Variants in GRIN2A observed in about 807,000 individuals in gnomAD.
GRIN2A encodes glutamate ionotropic receptor NMDA type subunit 2A.
GRIN2A carries 22 observed loss-of-function variants against 113.4 expected under a neutral mutation model. The observed-to-expected ratio is 0.19, with a 90% CI of 0.14 to 0.28. The LOEUF (loss-of-function observed/expected upper bound fraction) is 0.28. GRIN2A is among the 10% of genes least tolerant of loss of function. The pLI is 1.00. For missense variants in GRIN2A, 1,502 were observed against 1,887.0 expected (o/e 0.80, Z 3.78); for synonymous variants, 827 against 738.4 (o/e 1.12, Z -1.94).
At chr16:9,976,361 C>A (rs2045773375) in intron 2 of GRIN2A, among the ~76,000 whole-genome samples, 1 of 152,200 alleles carries the variant, frequency 6.6e-6, no homozygotes, top group Non-Finnish European at 1.5e-5. Context: ...TGTAACCTAA[C>A]TCTCTCACAT....
intron 2 of GRIN2A, among the ~76,000 whole-genome samples, chr16:10,124,530 G>C (rs572169493): frequency 2.0e-5 from 3 of 152,204 alleles, no homozygotes; most frequent in Non-Finnish European, 4.4e-5. Context: ...TGCTTGGGTA[G>C]AGAGCTTTTC....
chr16:9,974,544 G>A (rs908426003), intron 2 of GRIN2A, among the ~76,000 whole-genome samples: 2 of 152,156 alleles, frequency 1.3e-5, no homozygotes, highest in Admixed American at 6.5e-5. Context: ...CTCAGTCGGG[G>A]AGCTCAACTC....
At position 9,758,576 on chromosome 16, in the gene GRIN2A, A is replaced by G. The variant is rs542036097; in HGVS notation, c.*4573T>C. On this transcript the variant is annotated 3_prime_UTR_variant, in exon 13 of 13. Coordinates refer to ENST00000330684, the MANE Select transcript of GRIN2A (RefSeq NM_001134407.3). ...TAAACTTTACAATATGTACAATTTT[A>G]TTTGGATAATACACTTACGTGTGAA... 4.8e-6 allele frequency: 1 copy of G among 209,536 alleles called. No individual in the cohort carries two copies. Among genetic ancestry groups the G allele is most frequent in the East Asian group, 7.2e-5 (1 of 13,856 alleles). The allele number at this position is 209,536 out of a possible 1,614,324, so 13.0% of individuals were successfully genotyped here.
At chr16:10,118,909 G>A (rs1434281589) in intron 2 of GRIN2A, among the ~76,000 whole-genome samples, 2 of 152,130 alleles carry the variant, frequency 1.3e-5, no homozygotes, top group Non-Finnish European at 2.9e-5. Context: ...GTCACATTCA[G>A]GCCAGGACTC....
chr16:10,151,353 T>G (rs1388933270), intron 2 of GRIN2A, among the ~76,000 whole-genome samples: 1 of 152,218 alleles, frequency 6.6e-6, no homozygotes, highest in Non-Finnish European at 1.5e-5. Context: ...AAGAACTGTT[T>G]CTGACATTGC....
chr16:9,927,249 G>C (rs995936625), intron 3 of GRIN2A, among the ~76,000 whole-genome samples: 5 of 152,158 alleles, frequency 3.3e-5, no homozygotes, highest in Non-Finnish European at 7.3e-5. Context: ...CCAGCTCCAG[G>C]AGTAGGTCTG....
At chr16:10,113,163 C>T (rs750934822) in intron 2 of GRIN2A, among the ~76,000 whole-genome samples, 27 of 152,096 alleles carry the variant, frequency 1.8e-4, no homozygotes, top group Non-Finnish European at 3.1e-4. Context: ...TTTCTTGCTG[C>T]AGCATGCTCC....
Position 9,762,843 on chromosome 16 carries a change from A to G in GRIN2A, c.*306T>C, listed in dbSNP as rs1900645515. ...ATCATAACATCACCATTGGCATCCA[A>G]TGCATCATTATTGCCAACATACCCA... On this transcript the variant is annotated 3_prime_UTR_variant, in exon 13 of 13. Transcript: ENST00000330684. 2 of 478,072 alleles carry G rather than the reference A, an allele frequency of 4.2e-6. No individual in the cohort carries two copies. Among genetic ancestry groups the G allele is most frequent in the South Asian group, 2.7e-5 (1 of 36,906 alleles). The allele number at this position is 478,072 out of a possible 1,614,324, so 29.6% of individuals were successfully genotyped here. A position where few individuals can be genotyped will look rare whatever the true frequency, so the allele number is the denominator to read the frequency against.
In GRIN2A at chr16:9,894,783, T is replaced by C. The variant is rs1338166494; in HGVS notation, c.1008-3683A>G. The stretch of plus-strand genomic sequence containing the variant: ...GCTCAGTTAATGTTTGGCAAGTATG[T>C]TGACAGATCATCACCAAAGGGAAAT... On this transcript the variant is annotated intron_variant, in intron 3 of 12. Transcript: ENST00000330684. 2.6e-5 allele frequency among the ~76,000 whole-genome samples: 4 copies of C among 152,306 alleles called. No individual in the cohort carries two copies. In the East Asian group the frequency reaches 7.7e-4, roughly 29 times the overall value.
In GRIN2A at chr16:9,996,099, G is replaced by A. The variant is rs1369314615; in HGVS notation, c.415-57548C>T. Among the ~76,000 whole-genome samples, 3 of 150,178 alleles carry A rather than the reference G, an allele frequency of 2.0e-5. No homozygotes were observed. The East Asian group carries it at 5.9e-4, about 29-fold the overall frequency. ...AGAGAACAGAAGGAAACAGAGAAAGGAGGATTTGGAAAGTAAAGAAACTAA... is the reference window on the plus strand; with the variant it reads ...AGAGAACAGAAGGAAACAGAGAAAGAAGGATTTGGAAAGTAAAGAAACTAA... On this transcript the variant is annotated intron_variant, in intron 2 of 12. Coordinates refer to ENST00000330684, the MANE Select transcript of GRIN2A (RefSeq NM_001134407.3).
intron 2 of GRIN2A, among the ~76,000 whole-genome samples, chr16:10,090,614 T>C (rs1471255481): frequency 6.6e-6 from 1 of 151,966 alleles, no homozygotes; most frequent in African/African-American, 2.4e-5. Context: ...CATCATGTCC[T>C]TGGGTTAAGC....
intron 3 of GRIN2A, among the ~76,000 whole-genome samples, chr16:9,936,489 A>G (rs1478968383): frequency 6.6e-6 from 1 of 152,200 alleles, no homozygotes; most frequent in Non-Finnish European, 1.5e-5. Context: ...TACACTGCTC[A>G]TTATCTGAGG....
chr16:9,837,164 T>G (rs2042595505), intron 7 of GRIN2A, among the ~76,000 whole-genome samples: 1 of 152,216 alleles, frequency 6.6e-6, no homozygotes, highest in South Asian at 2.1e-4. Flanking sequence ...GCTGGTTCAT[T>G]ATGACTTTCA....
chr16:9,855,059 A>G (rs1338209974), intron 4 of GRIN2A, among the ~76,000 whole-genome samples: 1 of 151,488 alleles, frequency 6.6e-6, no homozygotes, highest in African/African-American at 2.4e-5. Flanking sequence ...GCACATATGG[A>G]TCCCATTGAG....
At chr16:9,989,562 T>A (rs1435042592) in intron 2 of GRIN2A, among the ~76,000 whole-genome samples, 1 of 152,166 alleles carries the variant, frequency 6.6e-6, no homozygotes, top group Non-Finnish European at 1.5e-5. Flanking sequence ...ACTAAAGGTC[T>A]TCTGCACTGC....
chr16:9,849,851 C>A lies in GRIN2A; in HGVS notation c.1233G>T (p.Leu411=), dbSNP rs768782812. 2.5e-6 allele frequency: 4 copies of A among 1,614,018 alleles called. No individual in the cohort carries two copies. The South Asian group carries it at 3.3e-5, about 13-fold the overall frequency. Residue 411 remains leucine, a synonymous_variant, in exon 5 of 13, where the codon CTG becomes CTT. Coordinates refer to ENST00000330684, the MANE Select transcript of GRIN2A (RefSeq NM_001134407.3). The part of the protein sequence containing the change: ...PDDNHLSIVT[L]EEAPFVIVED... The stretch of plus-strand genomic sequence containing the variant: ...CCACGATGACGAATGGGGCCTCCTC[C>A]AGGGTGACGATGCTGAGATGGTTGT...
intron 3 of GRIN2A, among the ~76,000 whole-genome samples, chr16:9,892,890 C>A (rs1054890476): frequency 6.9e-6 from 1 of 144,534 alleles, no homozygotes; most frequent in Non-Finnish European, 1.5e-5. Context: ...GATACTGTGT[C>A]ACTTGCTTCA....
intron 4 of GRIN2A, among the ~76,000 whole-genome samples, chr16:9,864,745 C>T (rs1486851529): frequency 6.6e-6 from 1 of 152,140 alleles, no homozygotes; most frequent in Non-Finnish European, 1.5e-5. Flanking sequence ...AGCATTTCAT[C>T]CCCCTCGCCT....
intron 2 of GRIN2A, among the ~76,000 whole-genome samples, chr16:9,976,048 A>G (rs1055663218): frequency 2.0e-5 from 3 of 152,244 alleles, no homozygotes; most frequent in African/African-American, 7.2e-5. Flanking sequence ...CCACAATCAC[A>G]GTTTCTCTTC....
Sources: allele counts gnomAD v4.1 joint callset (sites outside exome capture counted in the v4.1 genomes callset), GRCh38; gene constraint gnomAD v4.1.1; transcripts MANE v1.5; gene names NCBI Gene and HGNC (gene_info 2026-07-23, HGNC 2026-07-21).